The following LRRFIP2 variants were observed in gnomAD, a reference collection of about 807,000 sequenced individuals.
LRRFIP2 encodes the protein LRR binding FLII interacting protein 2, also known as leucine-rich repeat flightless-interacting protein 2.
In LRRFIP2, 109 loss-of-function variants were observed where a neutral mutation model predicts 125.9. The observed-to-expected ratio is 0.87, with a 90% CI of 0.74 to 1.01. The LOEUF (loss-of-function observed/expected upper bound fraction) is 1.01. LRRFIP2 is among the 50% of genes least tolerant of loss of function. The probability of loss-of-function intolerance (pLI) is 0.00; values close to 1 mark genes in which losing one functional copy is unlikely to be tolerated. For synonymous variants in LRRFIP2, 291 were observed against 293.1 expected, an observed-to-expected ratio of 0.99 and a Z score of 0.07; for missense variants, 850 against 862.3, an observed-to-expected ratio of 0.99 and a Z score of 0.18.
rs1391296396 is a variant in LRRFIP2 at position 37,054,174 on chromosome 3, G to A, written c.2056-213C>T. 2.1e-4 allele frequency among the ~76,000 whole-genome samples: 32 copies of A among 152,158 alleles called. 1 individual carries two copies. The highest frequency in any genetic ancestry group is 2.1e-3 in the Admixed American group (32 of 15,270). On this transcript the variant is annotated intron_variant, in intron 27 of 27. Coordinates refer to ENST00000336686, the MANE Select transcript of LRRFIP2 (RefSeq NM_006309.4). ...TCACAGAAAGGATATATAGAAGTTGGAGAAATAGACCTGATCTGAAGCAAA... is the reference window on the plus strand; with the variant it reads ...TCACAGAAAGGATATATAGAAGTTGAAGAAATAGACCTGATCTGAAGCAAA...
intron 6 of LRRFIP2, among the ~76,000 whole-genome samples, chr3:37,116,716 A>C (rs1337673226): frequency 6.6e-6 from 1 of 152,200 alleles, no homozygotes; most frequent in Non-Finnish European, 1.5e-5. Context: ...ATAATAGTTC[A>C]GTCAGAATAA....
At chr3:37,096,454 G>A (rs1223059788) in intron 16 of LRRFIP2, among the ~76,000 whole-genome samples, 162 bp downstream of exon 16, 2 of 152,162 alleles carry the variant, frequency 1.3e-5, no homozygotes, top group African/African-American at 4.8e-5. Context: ...GGCCTCACAT[G>A]ATTTAACTCC....
chr3:37,175,470 A>T (rs1182016048), upstream of LRRFIP2, among the ~76,000 whole-genome samples: 2 of 152,228 alleles, frequency 1.3e-5, no homozygotes, highest in African/African-American at 2.4e-5. Flanking sequence ...AAAGAAAAAG[A>T]AGTGGGTTTC....
intron 15 of LRRFIP2, among the ~76,000 whole-genome samples, chr3:37,099,020 T>C (rs1447864592): frequency 2.0e-5 from 3 of 152,142 alleles, no homozygotes; most frequent in South Asian, 2.1e-4. Context: ...ATTTCAGAGG[T>C]TGCATCACTG....
rs1248799255 is a variant in LRRFIP2, at chr3:37,121,528, C to T, written c.294G>A (p.Glu98=). Residue 98 remains glutamate (E), a synonymous_variant, in exon 6 of 28, where the codon GAG becomes GAA. Coordinates refer to ENST00000336686, the MANE Select transcript of LRRFIP2 (RefSeq NM_006309.4). ...CAACACTTCGAATGGACAATGCATC[C>T]TCAACTCCCTGATAAAAATGAAAAT... The part of the protein sequence containing the change: ...SSHHRPYLGV[E]DALSIRSVGS... 2 of 1,613,980 alleles carry T rather than the reference C, an allele frequency of 1.2e-6. No individual in the cohort carries two copies. Among genetic ancestry groups the T allele is most frequent in the East Asian group, 2.2e-5 (1 of 44,860 alleles).
At chr3:37,132,989 C>A (rs983574949) in intron 2 of LRRFIP2, among the ~76,000 whole-genome samples, 1 of 151,898 alleles carries the variant, frequency 6.6e-6, no homozygotes, top group Admixed American at 6.6e-5. Context: ...TTTAGGAGGA[C>A]AAGGCGGGCA....
intron 1 of LRRFIP2, among the ~76,000 whole-genome samples, chr3:37,167,071 C>G (rs1364192106): frequency 6.6e-6 from 1 of 151,350 alleles, no homozygotes; most frequent in African/African-American, 2.4e-5. Context: ...GTGGTACATG[C>G]CTGTGGTCCC....
chr3:37,124,961 C>A (rs2095220374), intron 4 of LRRFIP2, among the ~76,000 whole-genome samples: 1 of 151,870 alleles, frequency 6.6e-6, no homozygotes, highest in Non-Finnish European at 1.5e-5. Flanking sequence ...CTCTATTCCA[C>A]AGTGAGGAAA....
chr3:37,134,171 G>A (rs1354890219), intron 2 of LRRFIP2, among the ~76,000 whole-genome samples: 2 of 136,202 alleles, frequency 1.5e-5, no homozygotes, highest in African/African-American at 5.4e-5. Context: ...AGCAGAGCAA[G>A]ACTCTGTCTC....
intron 1 of LRRFIP2, among the ~76,000 whole-genome samples, chr3:37,158,159 ATT>A (rs1226367215): frequency 1.3e-5 from 2 of 152,192 alleles, no homozygotes; most frequent in African/African-American, 4.8e-5. Context: ...ACTTATCCGT[ATT>A]TTCTGAGAAG....
intron 1 of LRRFIP2, among the ~76,000 whole-genome samples, chr3:37,155,571 T>C (rs2096163476): frequency 6.6e-6 from 1 of 152,210 alleles, no homozygotes; most frequent in Non-Finnish European, 1.5e-5. Flanking sequence ...GAGTGCAGCC[T>C]TACAATGGTT....
Position 37,073,005 on chromosome 3 carries a change from A to C in LRRFIP2, c.1372-123T>G. 5 of 608,022 alleles carry C rather than the reference A, an allele frequency of 8.2e-6. No homozygotes were observed. In the South Asian group the frequency reaches 1.2e-4, roughly 14 times the overall value. The allele number at this position is 608,022 out of a possible 1,614,324, so 37.7% of individuals were successfully genotyped here. On this transcript the variant is annotated intron_variant, in intron 20 of 27. Coordinates refer to ENST00000336686, the MANE Select transcript of LRRFIP2 (RefSeq NM_006309.4). ...TAACCAAAAGGGAAAGTCTGTGATG[A>C]ACAGGAAAAGCAAAATTGGTCTGCC...
chr3:37,130,014 T>C (rs933162426), intron 2 of LRRFIP2, among the ~76,000 whole-genome samples: 1 of 152,122 alleles, frequency 6.6e-6, no homozygotes, highest in Non-Finnish European at 1.5e-5. Context: ...AATAAATGTA[T>C]ACAATTCTGT....
chr3:37,135,010 C>A lies in LRRFIP2; in HGVS notation c.91-5861G>T, dbSNP rs1428715016. ...TGCTATGTGATCCAAACCCAGATGA[C>A]CCCCTAGTGCCAGAGAGCACACGGA... On this transcript the variant is annotated intron_variant, in intron 2 of 27. Transcript: ENST00000336686. 2.6e-5 allele frequency: 40 copies of A among 1,514,084 alleles called. No homozygotes were observed. In the Admixed American group the frequency reaches 3.0e-4, roughly 11 times the overall value. 93.8% of individuals were successfully genotyped at this position (1,514,084 alleles called of 1,614,324 possible). A position where few individuals can be genotyped will look rare whatever the true frequency, so the allele number is the denominator to read the frequency against.
intron 27 of LRRFIP2, 42 bp from the exon 28 acceptor site, chr3:37,054,003 C>G (rs1415359879): frequency 1.8e-6 from 2 of 1,138,434 alleles, no homozygotes; most frequent in Non-Finnish European, 2.7e-6. Context: ...TGGTCAGAAA[C>G]AACATCCAGT....
intron 4 of LRRFIP2, among the ~76,000 whole-genome samples, chr3:37,126,664 G>A (rs1042100526): frequency 6.6e-6 from 1 of 151,792 alleles, no homozygotes; most frequent in African/African-American, 2.4e-5. Flanking sequence ...TTCGAGACCA[G>A]CCTGGCCAAC....
At chr3:37,104,105 A>G (rs2149349278) in intron 14 of LRRFIP2, among the ~76,000 whole-genome samples, 1 of 152,296 alleles carries the variant, frequency 6.6e-6, no homozygotes, top group South Asian at 2.1e-4. Flanking sequence ...AAATCAAGCA[A>G]TGGTATTTTT....
At chr3:37,083,879 T>C (rs188506587) in intron 18 of LRRFIP2, 73 bp from the exon 19 acceptor site, 21 of 1,151,628 alleles carry the variant, frequency 1.8e-5, no homozygotes, top group South Asian at 7.5e-5. Context: ...CAGGAAATTA[T>C]AGCACTGCCA....
intron 14 of LRRFIP2, among the ~76,000 whole-genome samples, chr3:37,104,453 G>A (rs1314308083): frequency 1.3e-5 from 2 of 152,222 alleles, no homozygotes; most frequent in East Asian, 1.9e-4. Context: ...GAACTAAAAC[G>A]GCTTTAATTA....
Sources: allele counts gnomAD v4.1 joint callset (sites outside exome capture counted in the v4.1 genomes callset), GRCh38; gene constraint gnomAD v4.1.1; transcripts MANE v1.5; gene names NCBI Gene and HGNC (gene_info 2026-07-23, HGNC 2026-07-21).